Variants in FAM184B observed in about 807,000 individuals in gnomAD.
FAM184B encodes family with sequence similarity 184 member B.
FAM184B carries 111 observed loss-of-function variants against 135.9 expected under a neutral mutation model. The observed-to-expected ratio is 0.82, with a 90% confidence interval of 0.70 to 0.96. FAM184B has a LOEUF of 0.96. FAM184B is among the 40% of genes least tolerant of loss of function. The probability of loss-of-function intolerance (pLI) is 0.00; values close to 1 mark genes in which losing one functional copy is unlikely to be tolerated. For missense variants in FAM184B, 1,375 were observed against 1,323.9 expected, an observed-to-expected ratio of 1.04 and a Z score of -0.60; for synonymous variants, 552 against 524.8, an observed-to-expected ratio of 1.05 and a Z score of -0.71.
At chr4:17,673,099 A>G (rs1716216195) in intron 7 of FAM184B, among the ~76,000 whole-genome samples, 1 of 152,194 alleles carries the variant, frequency 6.6e-6, no homozygotes, top group South Asian at 2.1e-4. Context: ...AAACAATCCC[A>G]CCAAAAAGTG....
intron 6 of FAM184B, among the ~76,000 whole-genome samples, chr4:17,689,586 C>T (rs528298111): frequency 6.6e-6 from 1 of 152,174 alleles, no homozygotes; most frequent in South Asian, 2.1e-4. Flanking sequence ...AATAAGAGCA[C>T]CTCCTTAATG....
chr4:17,707,873 G>C, intron 2 of FAM184B, 89 bp from the exon 3 acceptor site: 1 of 1,440,512 alleles, frequency 6.9e-7, no homozygotes, highest in East Asian at 2.5e-5. Context: ...GACCTGAAAG[G>C]CGGGTATATG....
chr4:17,699,806 CT>C (rs536816939), intron 5 of FAM184B, among the ~76,000 whole-genome samples: 1 of 151,910 alleles, frequency 6.6e-6, no homozygotes, highest in East Asian at 1.9e-4. Context: ...TTCTCATTAA[CT>C]TTTTTTTCTC....
intron 5 of FAM184B, among the ~76,000 whole-genome samples, chr4:17,697,485 G>T (rs1050469684): frequency 6.6e-6 from 1 of 152,122 alleles, no homozygotes; most frequent in Non-Finnish European, 1.5e-5. Flanking sequence ...AGGGCTTGTT[G>T]TTTCTGAGAG....
chr4:17,703,939 A>AT, intron 5 of FAM184B, among the ~76,000 whole-genome samples: 1 of 151,922 alleles, frequency 6.6e-6, no homozygotes, highest in South Asian at 2.1e-4. Flanking sequence ...CAAAAAAAAA[A>AT]AAAGCAAAAA....
chr4:17,760,411 A>T (rs369448781), intron 1 of FAM184B, among the ~76,000 whole-genome samples: 7 of 151,692 alleles, frequency 4.6e-5, no homozygotes, highest in African/African-American at 1.5e-4. Flanking sequence ...CGGAGGTTGC[A>T]GTGAGCCAAG....
At chr4:17,770,441 TTGTTGTTGTTG>T (rs1560197924) in intron 1 of FAM184B, among the ~76,000 whole-genome samples, 1,782 of 116,374 alleles carry the variant, frequency 0.015, 21 homozygotes, top group Non-Finnish European at 0.022. Context: ...GAACTAGTTG[TTGTTGTTGTTG>T]TTGTTGTTGT....
chr4:17,668,220 G>A lies in FAM184B; in HGVS notation c.1597-3561C>T, dbSNP rs1386582910. 2.0e-5 allele frequency among the ~76,000 whole-genome samples: 3 copies of A among 152,302 alleles called. No individual in the cohort carries two copies. In the East Asian group the frequency reaches 5.8e-4, roughly 29 times the overall value. ...TTCTTTCCTTCCAGCGGCCCGCCCT[G>A]CTGAATTTAGGCCCAGCACCAGATA... On this transcript the variant is annotated intron_variant, in intron 7 of 17. Coordinates refer to ENST00000265018, the MANE Select transcript of FAM184B (RefSeq NM_015688.2).
In FAM184B at chr4:17,709,544, G is replaced by C. The variant is rs1356121701; in HGVS notation, c.242C>G (p.Thr81Ser). 18 of 1,550,784 alleles carry C rather than the reference G, an allele frequency of 1.2e-5. No individual in the cohort carries two copies. Among genetic ancestry groups the C allele is most frequent in the Non-Finnish European group, 1.6e-5 (18 of 1,146,966 alleles). Residue 81 changes from threonine to serine, a missense_variant, in exon 2 of 18, where the codon ACC (threonine) becomes AGC (serine). Transcript: ENST00000265018. The part of the protein sequence containing the change: ...QEELQNAVAE[T>S]KARLLQEQGC... ...CTGTTCCTGCAGGAGCCTGGCCTTG[G>C]TCTCTGCCACCGCATTCTGGAGCTC...
chr4:17,674,731 G>T (rs1242224809), intron 7 of FAM184B, among the ~76,000 whole-genome samples: 2 of 152,126 alleles, frequency 1.3e-5, no homozygotes, highest in Non-Finnish European at 2.9e-5. Flanking sequence ...ATCCTTTCTT[G>T]TTATTTTAAC....
chr4:17,751,084 G>C (rs1718280802), intron 1 of FAM184B, among the ~76,000 whole-genome samples: 1 of 151,966 alleles, frequency 6.6e-6, no homozygotes, highest in African/African-American at 2.4e-5. Context: ...GAGGAGGGTG[G>C]ATCACCTGAG....
intron 1 of FAM184B, among the ~76,000 whole-genome samples, chr4:17,751,867 A>ACACACACACACACACACACAC (rs1491120270): frequency 8.7e-5 from 13 of 149,488 alleles, no homozygotes; most frequent in Non-Finnish European, 1.2e-4. Flanking sequence ...ACACACACAC[A>ACACACACACACACACACACAC]AAAGAACCAG....
chr4:17,699,119 A>C (rs1716927776), intron 5 of FAM184B, among the ~76,000 whole-genome samples: 1 of 152,094 alleles, frequency 6.6e-6, no homozygotes, highest in Non-Finnish European at 1.5e-5. Flanking sequence ...TCTAAAGTGA[A>C]AAATGTACTG....
At chr4:17,764,388 T>C (rs1040491349) in intron 1 of FAM184B, among the ~76,000 whole-genome samples, 1 of 152,210 alleles carries the variant, frequency 6.6e-6, no homozygotes, top group African/African-American at 2.4e-5. Flanking sequence ...GAAGGGCTCA[T>C]CGAAGCACAT....
chr4:17,742,720 C>T (rs935569709), intron 1 of FAM184B, among the ~76,000 whole-genome samples: 3 of 152,230 alleles, frequency 2.0e-5, no homozygotes, highest in Non-Finnish European at 2.9e-5. Flanking sequence ...CTTCCCATCC[C>T]GTTGGCAGCC....
chr4:17,633,627 T>C (rs1715031771), intron 17 of FAM184B, 62 bp downstream of exon 17: 1 of 1,356,352 alleles, frequency 7.4e-7, no homozygotes, highest in Admixed American at 3.4e-5. Context: ...GAAAGAATCC[T>C]ACTTCCCCTC....
At chr4:17,635,712 T>C (rs1255214797) in intron 15 of FAM184B, among the ~76,000 whole-genome samples, 2 of 149,724 alleles carry the variant, frequency 1.3e-5, no homozygotes, top group Non-Finnish European at 1.5e-5. Context: ...TGTTCACACG[T>C]AGCAAATGAG....
At chr4:17,658,135 C>T (rs563340595) in intron 10 of FAM184B, among the ~76,000 whole-genome samples, 6 of 152,336 alleles carry the variant, frequency 3.9e-5, no homozygotes, top group East Asian at 1.9e-4. Context: ...AGACCTAGCC[C>T]GCTTCCTTTG....
intron 1 of FAM184B, among the ~76,000 whole-genome samples, chr4:17,732,747 T>A (rs531578119): frequency 6.6e-6 from 1 of 152,332 alleles, no homozygotes; most frequent in East Asian, 1.9e-4. Context: ...AGCCAAATTC[T>A]ACCAGAGGTA....
Sources: gnomAD v4.1 joint callset for allele counts (sites outside exome capture counted in the v4.1 genomes callset) on GRCh38, gnomAD v4.1.1 for gene constraint, MANE v1.5 for transcripts, NCBI Gene and HGNC (gene_info 2026-07-23, HGNC 2026-07-21) for gene names.